Variants in NCOA2 observed in about 807,000 individuals in gnomAD.
The protein encoded by NCOA2 is nuclear receptor coactivator 2, also known as class E basic helix-loop-helix protein 75.
Under a neutral mutation model 145.1 loss-of-function variants are expected in NCOA2, and 21 were observed. The ratio of observed to expected loss-of-function variants is 0.14; its 90% CI spans 0.10 to 0.21. NCOA2 has a LOEUF of 0.21. Among genes scored for constraint, NCOA2 ranks in the 10% least tolerant of loss-of-function variants. NCOA2 has a pLI of 1.00. For missense variants in NCOA2, 1,472 were observed against 1,837.6 expected (o/e 0.80, Z 3.64); for synonymous variants, 619 against 637.5 (o/e 0.97, Z 0.44).
intron 1 of NCOA2, among the ~76,000 whole-genome samples, chr8:70,396,399 T>A (rs769627871): frequency 2.0e-5 from 3 of 152,206 alleles, no homozygotes; most frequent in Non-Finnish European, 4.4e-5. Flanking sequence ...CTTTTCCTTT[T>A]CACTAGCAGA....
intron 4 of NCOA2, among the ~76,000 whole-genome samples, chr8:70,194,435 G>C (rs545396741): frequency 1.3e-5 from 2 of 152,248 alleles, no homozygotes; most frequent in African/African-American, 4.8e-5. Context: ...CAAAATGGGA[G>C]AGAACACCTT....
chr8:70,118,923 G>A (rs2131290536), intron 22 of NCOA2, among the ~76,000 whole-genome samples: 1 of 152,154 alleles, frequency 6.6e-6, no homozygotes, highest in African/African-American at 2.4e-5. Flanking sequence ...CTTGACCTCA[G>A]GTGATCCATC....
intron 3 of NCOA2, among the ~76,000 whole-genome samples, chr8:70,215,198 G>A (rs1563633168): frequency 6.6e-6 from 1 of 151,952 alleles, no homozygotes; most frequent in Non-Finnish European, 1.5e-5. Flanking sequence ...GCTTAGAATA[G>A]CCCAGTTCCC....
intron 4 of NCOA2, among the ~76,000 whole-genome samples, chr8:70,207,870 AAAAAAAAAAAAAAAAAG>A (rs1277591704): frequency 6.8e-6 from 1 of 147,008 alleles, no homozygotes; most frequent in African/African-American, 2.6e-5. Flanking sequence ...CTCAAAAAAA[AAAAAAAAAAAAAAAAAG>A]AAGAAGAAGA....
At chr8:70,302,107 G>C (rs200287073) in intron 1 of NCOA2, among the ~76,000 whole-genome samples, 2 of 151,832 alleles carry the variant, frequency 1.3e-5, no homozygotes, top group African/African-American at 2.4e-5. Context: ...ATACTTTCAC[G>C]ACTTACCTTT....
At chr8:70,162,019 CTG>C (rs1813078339) in intron 9 of NCOA2, among the ~76,000 whole-genome samples, 2 of 152,150 alleles carry the variant, frequency 1.3e-5, no homozygotes, top group Admixed American at 6.5e-5. Flanking sequence ...TGCACTGACA[CTG>C]AATGCTAGAG....
Position 70,206,595 on chromosome 8 carries a change from T to C in NCOA2, c.259+7308A>G, listed in dbSNP as rs73289279. ...TATCTCTAGAATCTGGAGAGGATGG[T>C]AGATGACTTCAAGCCAGCTCTGCTG... On this transcript the variant is annotated intron_variant, in intron 4 of 22. Coordinates refer to ENST00000452400, the MANE Select transcript of NCOA2 (RefSeq NM_006540.4). Among the ~76,000 whole-genome samples, 622 of 152,316 alleles carry C rather than the reference T, an allele frequency of 4.1e-3. 2 individuals are homozygous for C. Among genetic ancestry groups the C allele is most frequent in the African/African-American group, 0.014 (601 of 41,562 alleles).
intron 1 of NCOA2, among the ~76,000 whole-genome samples, chr8:70,379,179 G>A (rs904975742): frequency 1.3e-5 from 2 of 152,070 alleles, no homozygotes; most frequent in Admixed American, 1.3e-4. Flanking sequence ...CACCATGTAA[G>A]CCTAAATTAT....
intron 1 of NCOA2, among the ~76,000 whole-genome samples, chr8:70,383,325 A>G (rs966471096): frequency 5.3e-4 from 80 of 152,228 alleles, no homozygotes; most frequent in African/African-American, 1.9e-3. Flanking sequence ...CCCTTGACCT[A>G]TAATTACTCA....
intron 1 of NCOA2, among the ~76,000 whole-genome samples, chr8:70,350,818 T>G (rs1809104714): frequency 6.6e-6 from 1 of 152,214 alleles, no homozygotes; most frequent in African/African-American, 2.4e-5. Context: ...CCCATAGTTA[T>G]CTGTAAGTCC....
chr8:70,244,807 A>C (rs1563673438), intron 2 of NCOA2, among the ~76,000 whole-genome samples: 2 of 152,102 alleles, frequency 1.3e-5, no homozygotes, highest in Non-Finnish European at 2.9e-5. Context: ...TATTTTAAAA[A>C]CACTACACAA....
chr8:70,112,134 G>A lies in NCOA2; in HGVS notation c.*1498C>T, dbSNP rs773664028. 3.9e-5 allele frequency: 8 copies of A among 204,838 alleles called. No individual in the cohort carries two copies. Among genetic ancestry groups the A allele is most frequent in the African/African-American group, 6.9e-5 (3 of 43,722 alleles). 12.7% of individuals were successfully genotyped at this position (204,838 alleles called of 1,614,324 possible). On this transcript the variant is annotated 3_prime_UTR_variant, in exon 23 of 23. Transcript: ENST00000452400. ...AAAATCAAGAATTGGTTCCTACAGCGGCTGCATATCATATAGATTAGATAA... is the reference window on the plus strand; with the variant it reads ...AAAATCAAGAATTGGTTCCTACAGCAGCTGCATATCATATAGATTAGATAA...
rs181640089 is a variant in NCOA2 at position 70,177,823 on chromosome 8, C to G, written c.260-2964G>C. On this transcript the variant is annotated intron_variant, in intron 4 of 22. Coordinates refer to ENST00000452400, the MANE Select transcript of NCOA2 (RefSeq NM_006540.4). ...ATCACAAAGGCAACCCTGTGCCTAT[C>G]GCTGATCACTAGAAAACATCAGCCT... 3.9e-5 allele frequency among the ~76,000 whole-genome samples: 6 copies of G among 152,138 alleles called. No homozygotes were observed. The South Asian group carries it at 1.2e-3, about 31-fold the overall frequency.
intron 2 of NCOA2, among the ~76,000 whole-genome samples, chr8:70,295,433 A>C (rs889975610): frequency 6.6e-6 from 1 of 152,208 alleles, no homozygotes; most frequent in East Asian, 1.9e-4. Flanking sequence ...GGAGACGAGA[A>C]GCTGCCACAC....
At chr8:70,160,682 G>GAGAGAGAGAGAGAGAGAGAGAGAGAGAGA (rs371258460) in intron 9 of NCOA2, among the ~76,000 whole-genome samples, 2 of 58,368 alleles carry the variant, frequency 3.4e-5, no homozygotes, top group Admixed American at 4.5e-4. Flanking sequence ...AGAGAGAGAG[G>GAGAGAGAGAGAGAGAGAGAGAGAGAGAGA]GAGAGAGAGA....
rs1810373489 is a variant in NCOA2 at position 70,141,185 on chromosome 8, T to G, written c.3027A>C (p.Ile1009=). 6.2e-7 allele frequency: 1 copy of G among 1,613,190 alleles called. No homozygotes were observed. Among genetic ancestry groups the G allele is most frequent in the African/African-American group, 1.3e-5 (1 of 74,908 alleles). ...CAAACAGCACTAGAGCCACCTTACCTATATTCATGACCTGAGACTGAAGCG... is the reference window on the plus strand; with the variant it reads ...CAAACAGCACTAGAGCCACCTTACCGATATTCATGACCTGAGACTGAAGCG... The part of the protein sequence containing the change: ...RQTLQSQVMN[I]GPSELEMNMG... The change falls in exon 14 of 23, where the codon ATA becomes ATC. Residue 1009 remains isoleucine (I), a splice_region_variant and synonymous_variant. Transcript: ENST00000452400.
intron 1 of NCOA2, among the ~76,000 whole-genome samples, chr8:70,394,867 G>T (rs1193845575): frequency 3.3e-5 from 5 of 152,174 alleles, no homozygotes; most frequent in African/African-American, 1.2e-4. Flanking sequence ...CCACAATGTT[G>T]TCCAGCAACT....
rs144562912 is a variant in NCOA2, at chr8:70,285,025, A to G, written c.-20+11719T>C. Among the ~76,000 whole-genome samples the G allele has an allele frequency of 3.9e-5, 6 of 152,294 alleles. No homozygotes were observed. In the East Asian group the frequency reaches 9.7e-4, roughly 25 times the overall value. ...AGGTAGGCTTTACATTATATGCTCA[A>G]TAAAACCAGACCTGCTCTACACTTT... is the stretch of plus-strand genomic sequence containing the variant. On this transcript the variant is annotated intron_variant, in intron 2 of 22. Coordinates refer to ENST00000452400, the MANE Select transcript of NCOA2 (RefSeq NM_006540.4).
intron 1 of NCOA2, among the ~76,000 whole-genome samples, chr8:70,348,150 AG>A (rs1311714695): frequency 1.3e-5 from 2 of 152,224 alleles, no homozygotes; most frequent in African/African-American, 4.8e-5. Context: ...CATAAAGAAA[AG>A]TGTTTTGTGG....
Sources: gnomAD v4.1 joint callset for allele counts (sites outside exome capture counted in the v4.1 genomes callset) on GRCh38, gnomAD v4.1.1 for gene constraint, MANE v1.5 for transcripts, NCBI Gene and HGNC (gene_info 2026-07-23, HGNC 2026-07-21) for gene names.